SLC39A8: variants seen among roughly 807,000 people sequenced by gnomAD.
SLC39A8 encodes the protein metal cation symporter ZIP8.
SLC39A8 carries 15 observed loss-of-function variants against 40.4 expected under a neutral mutation model. The observed-to-expected ratio is 0.37, with a 90% CI of 0.25 to 0.57. SLC39A8 has a LOEUF of 0.57. SLC39A8 is among the 20% of genes least tolerant of loss of function. The probability of loss-of-function intolerance (pLI) is 0.75; values close to 1 mark genes in which losing one functional copy is unlikely to be tolerated. For synonymous variants in SLC39A8, 223 were observed against 221.6 expected, an observed-to-expected ratio of 1.01 and a Z score of -0.06; for missense variants, 472 against 558.8, an observed-to-expected ratio of 0.84 and a Z score of 1.57.
chr4:102,335,778 G>A (rs1352299691), intron 2 of SLC39A8, among the ~76,000 whole-genome samples: 2 of 152,234 alleles, frequency 1.3e-5, no homozygotes, highest in East Asian at 3.9e-4. Flanking sequence ...GGAAGTGGAG[G>A]TAAACTGTAA....
At chr4:102,272,771 G>C (rs1005086178) in intron 6 of SLC39A8, among the ~76,000 whole-genome samples, 6 of 151,998 alleles carry the variant, frequency 3.9e-5, no homozygotes, top group Non-Finnish European at 8.8e-5. Context: ...ATCTATTCAG[G>C]ATGGTTAGAC....
At chr4:102,306,309 T>C (rs1309195952) in intron 4 of SLC39A8, among the ~76,000 whole-genome samples, 5 of 151,912 alleles carry the variant, frequency 3.3e-5, no homozygotes, top group African/African-American at 7.2e-5. Flanking sequence ...GTATTATGTA[T>C]ATAATACTCT....
At chr4:102,315,008 C>A (rs972112675) in intron 3 of SLC39A8, among the ~76,000 whole-genome samples, 1 of 152,130 alleles carries the variant, frequency 6.6e-6, no homozygotes, top group Admixed American at 6.6e-5. Context: ...AATTTTCAAA[C>A]AGACTCCCTG....
chr4:102,291,319 T>C (rs1733430212), intron 6 of SLC39A8, among the ~76,000 whole-genome samples: 1 of 147,006 alleles, frequency 6.8e-6, no homozygotes, highest in South Asian at 2.2e-4. Context: ...GAATGAGTTA[T>C]TCAGCACACA....
chr4:102,268,655 G>A (rs1481344467), intron 6 of SLC39A8, among the ~76,000 whole-genome samples: 1 of 152,164 alleles, frequency 6.6e-6, no homozygotes, highest in Non-Finnish European at 1.5e-5. Context: ...TTCTGTTCCA[G>A]GTACCCTGTG....
At chr4:102,271,824 T>G (rs1384784467) in intron 6 of SLC39A8, among the ~76,000 whole-genome samples, 4 of 152,188 alleles carry the variant, frequency 2.6e-5, no homozygotes, top group Non-Finnish European at 1.5e-5. Context: ...AGTGAGACAG[T>G]GGGCTCAATA....
chr4:102,307,335 C>T, intron 4 of SLC39A8, 101 bp downstream of exon 4: 2 of 1,361,568 alleles, frequency 1.5e-6, no homozygotes, highest in South Asian at 1.3e-5. Context: ...ATAAACTAGA[C>T]CATAAAACGC....
intron 6 of SLC39A8, among the ~76,000 whole-genome samples, chr4:102,293,948 G>T (rs1427044445): frequency 2.6e-5 from 4 of 151,046 alleles, no homozygotes; most frequent in African/African-American, 9.7e-5. Context: ...AGACTAGAAA[G>T]CCAAAATACA....
At chr4:102,254,267 A>C (rs954584678) in intron 11 of SLC39A8, among the ~76,000 whole-genome samples, 1 of 152,176 alleles carries the variant, frequency 6.6e-6, no homozygotes, top group African/African-American at 2.4e-5. Context: ...GGTTTTCCAC[A>C]TGCCATGATA....
chr4:102,314,623 C>G (rs1370526045), intron 3 of SLC39A8, among the ~76,000 whole-genome samples: 3 of 152,080 alleles, frequency 2.0e-5, no homozygotes, highest in African/African-American at 7.2e-5. Context: ...GCTATGTTGG[C>G]TGTGCCCTCA....
chr4:102,256,168 A>G (rs72924811), intron 11 of SLC39A8, among the ~76,000 whole-genome samples: 4,724 of 152,252 alleles, frequency 0.031, 264 homozygotes, highest in African/African-American at 0.11. Context: ...CAAAGAAAAA[A>G]CATTGTCTAT....
intron 6 of SLC39A8, among the ~76,000 whole-genome samples, chr4:102,282,554 T>A (rs1476026302): frequency 6.6e-6 from 1 of 152,172 alleles, no homozygotes. Flanking sequence ...GATGTTTTTT[T>A]CCTTTTTGGC....
chr4:102,315,277 C>T (rs1734606182), intron 3 of SLC39A8, among the ~76,000 whole-genome samples: 1 of 152,078 alleles, frequency 6.6e-6, no homozygotes, highest in African/African-American at 2.4e-5. Context: ...CTTATCTCTT[C>T]ATTGGTAACT....
intron 2 of SLC39A8, among the ~76,000 whole-genome samples, chr4:102,340,670 T>A (rs1473400487): frequency 6.6e-6 from 1 of 152,244 alleles, no homozygotes; most frequent in Non-Finnish European, 1.5e-5. Context: ...TTTGTATTTT[T>A]AAATAACCAT....
At chr4:102,277,909 G>A (rs1732693463) in intron 6 of SLC39A8, among the ~76,000 whole-genome samples, 1 of 152,172 alleles carries the variant, frequency 6.6e-6, no homozygotes, top group Non-Finnish European at 1.5e-5. Context: ...TTAATAAATG[G>A]TTTTGGGAAA....
chr4:102,255,079 C>A (rs984112768), intron 11 of SLC39A8, among the ~76,000 whole-genome samples: 1 of 152,184 alleles, frequency 6.6e-6, no homozygotes, highest in African/African-American at 2.4e-5. Flanking sequence ...TTGCTCACCA[C>A]TACTGGAACA....
intron 4 of SLC39A8, among the ~76,000 whole-genome samples, chr4:102,305,800 G>A (rs1268302854): frequency 6.6e-6 from 1 of 151,978 alleles, no homozygotes; most frequent in African/African-American, 2.4e-5. Flanking sequence ...GAGTCAAGAT[G>A]TTCCTAACAG....
chr4:102,305,139 T>C, intron 4 of SLC39A8, 28 bp from the exon 5 acceptor site: 1 of 1,594,708 alleles, frequency 6.3e-7, no homozygotes, highest in Non-Finnish European at 8.5e-7. Flanking sequence ...GCAATTCAAG[T>C]AAAACCAAGA....
intron 3 of SLC39A8, among the ~76,000 whole-genome samples, chr4:102,308,860 G>A (rs1350047515): frequency 1.3e-5 from 2 of 152,084 alleles, no homozygotes; most frequent in Non-Finnish European, 2.9e-5. Context: ...ACAAAACCCT[G>A]TAAGAGAAAT....
Sources: gnomAD v4.1 joint callset for allele counts (sites outside exome capture counted in the v4.1 genomes callset) on GRCh38, gnomAD v4.1.1 for gene constraint, MANE v1.5 for transcripts, NCBI Gene and HGNC (gene_info 2026-07-23, HGNC 2026-07-21) for gene names.